Variants in SLC24A4 observed in about 807,000 individuals in gnomAD.
The protein encoded by SLC24A4 is solute carrier family 24 member 4.
A neutral mutation model predicts 79.0 loss-of-function variants in SLC24A4; 53 were observed. The observed-to-expected ratio is 0.67, with a 90% CI of 0.54 to 0.84. SLC24A4 has a LOEUF of 0.84. Ranked by LOEUF, SLC24A4 falls within the 40% of genes least tolerant of loss-of-function variation. The pLI is 0.00. For missense variants in SLC24A4, 731 were observed against 822.0 expected, an observed-to-expected ratio of 0.89 and a Z score of 1.35; for synonymous variants, 323 against 323.8, an observed-to-expected ratio of 1.00 and a Z score of 0.03.
intron 2 of SLC24A4, among the ~76,000 whole-genome samples, chr14:92,377,152 G>A (rs1414497223): frequency 6.6e-6 from 1 of 152,252 alleles, no homozygotes; most frequent in Admixed American, 6.5e-5. Flanking sequence ...CTGCCTCATG[G>A]CAGAGCTGGG....
intron 12 of SLC24A4, among the ~76,000 whole-genome samples, chr14:92,471,827 G>A (rs1379815655): frequency 6.6e-6 from 1 of 152,314 alleles, no homozygotes; most frequent in Non-Finnish European, 1.5e-5. Flanking sequence ...CATTAAAGGG[G>A]AGTAGATGCT....
At chr14:92,358,979 C>T (rs1887344401) in intron 2 of SLC24A4, among the ~76,000 whole-genome samples, 1 of 152,094 alleles carries the variant, frequency 6.6e-6, no homozygotes, top group Non-Finnish European at 1.5e-5. Context: ...AGCCACCACG[C>T]CCGGCCAAAT....
intron 16 of SLC24A4, chr14:92,492,930 A>G (rs1435815012): frequency 2.2e-6 from 1 of 451,810 alleles, no homozygotes; most frequent in Admixed American, 2.4e-5. Context: ...GGAATGTAAG[A>G]TAATTCCGTG....
intron 2 of SLC24A4, among the ~76,000 whole-genome samples, chr14:92,333,442 C>T (rs1885594382): frequency 1.3e-5 from 2 of 152,182 alleles, no homozygotes; most frequent in African/African-American, 4.8e-5. Flanking sequence ...TATGTGACCC[C>T]TTTTGGTTTG....
At chr14:92,417,841 T>G (rs1250139192) in intron 2 of SLC24A4, among the ~76,000 whole-genome samples, 1 of 152,228 alleles carries the variant, frequency 6.6e-6, no homozygotes, top group East Asian at 1.9e-4. Context: ...ATGGGATAGC[T>G]TAGGTGTGTT....
At chr14:92,339,500 C>A (rs1328079657) in intron 2 of SLC24A4, among the ~76,000 whole-genome samples, 3 of 152,186 alleles carry the variant, frequency 2.0e-5, no homozygotes, top group Non-Finnish European at 1.5e-5. Flanking sequence ...GTGAGTAAGG[C>A]ACAGAGAGGT....
intron 4 of SLC24A4, among the ~76,000 whole-genome samples, chr14:92,439,752 C>T (rs1892387512): frequency 1.3e-5 from 2 of 152,272 alleles, no homozygotes; most frequent in South Asian, 4.1e-4. Flanking sequence ...TTGCCTGTCA[C>T]CAGCTGCAAG....
chr14:92,361,614 G>C (rs1887528317), intron 2 of SLC24A4, among the ~76,000 whole-genome samples: 1 of 152,166 alleles, frequency 6.6e-6, no homozygotes, highest in African/African-American at 2.4e-5. Flanking sequence ...ACGTAAAACA[G>C]AGTCCTTGCC....
chr14:92,487,221 C>T (rs942589331), intron 14 of SLC24A4, among the ~76,000 whole-genome samples: 13 of 152,158 alleles, frequency 8.5e-5, no homozygotes, highest in Non-Finnish European at 1.9e-4. Context: ...TGGTGGTTTT[C>T]GTTTTGGGCT....
chr14:92,330,350 TA>T (rs879270608), intron 2 of SLC24A4, among the ~76,000 whole-genome samples: 4 of 152,214 alleles, frequency 2.6e-5, no homozygotes, highest in South Asian at 2.1e-4. Flanking sequence ...AGGAAAGCTT[TA>T]AAAAAATCTG....
At position 92,500,280 on chromosome 14, in the gene SLC24A4, T is replaced by C. The variant is rs955290361; in HGVS notation, c.*6652T>C. 3 of 152,230 alleles carry C rather than the reference T, an allele frequency of 2.0e-5. No homozygotes were observed. The highest frequency in any genetic ancestry group is 7.2e-5 in the African/African-American group (3 of 41,464). The allele number at this position is 152,230 out of a possible 1,614,324, so 9.4% of individuals were successfully genotyped here. ...TTTTAAGCTATCAAGAGAGGGAATG[T>C]GCAGCTTTTGGTTTCTAGATGCATG... On this transcript the variant is annotated 3_prime_UTR_variant, in exon 17 of 17. Transcript: ENST00000532405.
intron 2 of SLC24A4, among the ~76,000 whole-genome samples, chr14:92,413,334 G>A (rs544666323): frequency 6.7e-6 from 1 of 150,266 alleles, no homozygotes; most frequent in Non-Finnish European, 1.5e-5. Flanking sequence ...GCTCCCTCCC[G>A]CCCCCCTGCC....
chr14:92,346,506 G>A (rs1886537820), intron 2 of SLC24A4, among the ~76,000 whole-genome samples: 1 of 152,112 alleles, frequency 6.6e-6, no homozygotes. Context: ...TAACACGTTG[G>A]GATGAGATCT....
rs534051064 is a variant in SLC24A4 at position 92,353,345 on chromosome 14, C to G, written c.241+27367C>G. Among the ~76,000 whole-genome samples the G allele has an allele frequency of 2.0e-5, 3 of 152,348 alleles. No individual in the cohort carries two copies. The East Asian group carries it at 5.8e-4, about 29-fold the overall frequency. ...TGCTATGATCTATTTAACTCATTCC[C>G]TAATGATGTATATGCATTTAGTTTA... On this transcript the variant is annotated intron_variant, in intron 2 of 16. Coordinates refer to ENST00000532405, the MANE Select transcript of SLC24A4 (RefSeq NM_153646.4). This position sits in a 1 kb window ranked among gnomAD's most constrained non-coding sequence, Gnocchi z 4.1.
At chr14:92,452,719 A>G (rs1344502889) in intron 10 of SLC24A4, 1 of 152,336 alleles carries the variant, frequency 6.6e-6, no homozygotes, top group East Asian at 1.9e-4. Context: ...AGCCCAGCCC[A>G]CCAACGCACT....
At position 92,323,638 on chromosome 14, in the gene SLC24A4, C is replaced by CTT; in HGVS notation, c.-193_-192insTT. On this transcript the variant is annotated 5_prime_UTR_variant, in exon 1 of 17. Transcript: ENST00000532405. This position sits in a 1 kb window ranked among gnomAD's most constrained non-coding sequence, Gnocchi z 4.9. The stretch of plus-strand genomic sequence containing the variant: ...CGCGCGGGACTCTGAGCTCCGGCCG[C>CTT]GTCGCGCGTCCCCACCTTCCCAAGG... 1.8e-6 allele frequency: 1 copy of CTT among 562,454 alleles called. No homozygotes were observed. The highest frequency in any genetic ancestry group is 3.6e-5 in the East Asian group (1 of 28,068). The allele number at this position is 562,454 out of a possible 1,614,324, so 34.8% of individuals were successfully genotyped here.
intron 2 of SLC24A4, among the ~76,000 whole-genome samples, chr14:92,352,480 C>T (rs779172047): frequency 6.6e-6 from 1 of 152,140 alleles, no homozygotes; most frequent in Admixed American, 6.5e-5. Flanking sequence ...CTGAGAAGGA[C>T]CTTACAGGCA....
chr14:92,381,548 G>A (rs957714547), intron 2 of SLC24A4, among the ~76,000 whole-genome samples: 1 of 151,990 alleles, frequency 6.6e-6, no homozygotes, highest in Non-Finnish European at 1.5e-5. Flanking sequence ...GTATACCTAC[G>A]TAACAAACCT....
chr14:92,480,286 CT>C lies in SLC24A4; in HGVS notation c.1256-2376del, dbSNP rs66533065. On this transcript the variant is annotated intron_variant, in intron 12 of 16. Transcript: ENST00000532405. ...TTGGACATTGATTTGAGATCTTTCC[CT>C]TTTTTTTTTTTTTTTTTGAGATGGA... Among the ~76,000 whole-genome samples, 124 of 63,124 alleles carry C rather than the reference CT, an allele frequency of 2.0e-3. 3 individuals carry two copies. The highest frequency in any genetic ancestry group is 6.0e-3 in the African/African-American group (112 of 18,574). The allele number at this position is 63,124 out of a possible 152,430, so 41.4% of individuals were successfully genotyped here. A position where few individuals can be genotyped will look rare whatever the true frequency, so the allele number is the denominator to read the frequency against.
Sources: gnomAD v4.1 joint callset for allele counts (sites outside exome capture counted in the v4.1 genomes callset) on GRCh38, gnomAD v4.1.1 for gene constraint, Gnocchi (gnomAD v3.1) non-coding constraint, MANE v1.5 for transcripts, NCBI Gene and HGNC (gene_info 2026-07-23, HGNC 2026-07-21) for gene names.